PLEKHA7: variants seen among roughly 807,000 people sequenced by gnomAD.
The protein encoded by PLEKHA7 is pleckstrin homology domain-containing family A member 7.
In PLEKHA7, 104 loss-of-function variants were observed where a neutral mutation model predicts 170.0. That is an observed-to-expected ratio of 0.61 (90% CI 0.52 to 0.72). The LOEUF is 0.72. Among genes scored for constraint, PLEKHA7 ranks in the 30% least tolerant of loss-of-function variants. The pLI, the probability that PLEKHA7 is intolerant of heterozygous loss-of-function variation, is 0.00. For synonymous variants in PLEKHA7, 648 were observed against 660.8 expected, an observed-to-expected ratio of 0.98 and a Z score of 0.30; for missense variants, 1,615 against 1,671.7, an observed-to-expected ratio of 0.97 and a Z score of 0.59.
At chr11:16,779,930 C>T (rs1373633011) in intron 26 of PLEKHA7, among the ~76,000 whole-genome samples, 1 of 148,476 alleles carries the variant, frequency 6.7e-6, no homozygotes, top group African/African-American at 2.5e-5. Context: ...ATTCCTTGCG[C>T]ATATCCCTCA....
At chr11:16,890,401 C>A (rs944695780) in intron 3 of PLEKHA7, among the ~76,000 whole-genome samples, 2 of 152,128 alleles carry the variant, frequency 1.3e-5, no homozygotes, top group African/African-American at 4.8e-5. Context: ...ATACAAAAAA[C>A]CCACCTCGCT....
intron 9 of PLEKHA7, among the ~76,000 whole-genome samples, chr11:16,827,007 A>C (rs1342844625): frequency 6.6e-6 from 1 of 152,232 alleles, no homozygotes; most frequent in Non-Finnish European, 1.5e-5. Context: ...GCAAGAGAGA[A>C]TGAATAAATT....
intron 4 of PLEKHA7, among the ~76,000 whole-genome samples, chr11:16,859,897 C>T (rs1345589770): frequency 6.6e-6 from 1 of 152,254 alleles, no homozygotes; most frequent in Non-Finnish European, 1.5e-5. Flanking sequence ...CTGCTGTCCT[C>T]AAATAAAACC....
intron 15 of PLEKHA7, among the ~76,000 whole-genome samples, chr11:16,802,501 C>T (rs1265916881): frequency 1.3e-5 from 2 of 152,060 alleles, no homozygotes; most frequent in African/African-American, 2.4e-5. Context: ...GCAGGAGGGT[C>T]TCTATAAGAT....
At chr11:16,958,209 C>T (rs1436597777) in intron 3 of PLEKHA7, among the ~76,000 whole-genome samples, 3 of 151,686 alleles carry the variant, frequency 2.0e-5, no homozygotes, top group Admixed American at 6.6e-5. Flanking sequence ...CCTACGTACT[C>T]AGGAGGCTAA....
At chr11:16,840,134 G>A (rs1297597566) in intron 9 of PLEKHA7, among the ~76,000 whole-genome samples, 1 of 152,180 alleles carries the variant, frequency 6.6e-6, no homozygotes, top group Non-Finnish European at 1.5e-5. Context: ...CAGGGCCCAT[G>A]GGGAAGCTCC....
At chr11:16,963,329 C>CA (rs1862182538) in intron 3 of PLEKHA7, among the ~76,000 whole-genome samples, 1 of 150,200 alleles carries the variant, frequency 6.7e-6, no homozygotes, top group Non-Finnish European at 1.5e-5. Context: ...TAATTTAGGA[C>CA]TTTTTTTTTT....
At chr11:16,836,308 T>C (rs187066250) in intron 9 of PLEKHA7, among the ~76,000 whole-genome samples, 26 of 152,340 alleles carry the variant, frequency 1.7e-4, no homozygotes, top group African/African-American at 6.0e-4. Flanking sequence ...TGTCTGAGCC[T>C]TGAACCCCAT....
chr11:16,897,688 T>G (rs923394966), intron 3 of PLEKHA7, among the ~76,000 whole-genome samples: 1 of 152,220 alleles, frequency 6.6e-6, no homozygotes, highest in Admixed American at 6.5e-5. Flanking sequence ...CTGAGAGTTT[T>G]CATGAACACC....
At chr11:16,869,582 A>G (rs934659016) in intron 4 of PLEKHA7, among the ~76,000 whole-genome samples, 2 of 152,222 alleles carry the variant, frequency 1.3e-5, no homozygotes, top group African/African-American at 4.8e-5. Flanking sequence ...CTTTAAACGT[A>G]CTGTGGGATA....
Position 16,803,304 on chromosome 11 carries a change from C to T in PLEKHA7, c.2008-9G>A, listed in dbSNP as rs764036971. On this transcript the variant is annotated splice_polypyrimidine_tract_variant and intron_variant, in intron 13 of 26. Transcript: ENST00000531066. ...AGGTCCCGGCCTGTCATCTGGGAGGCGAACAATTTAAAAGAGATTTAACCA... is the reference window on the plus strand; with the variant it reads ...AGGTCCCGGCCTGTCATCTGGGAGGTGAACAATTTAAAAGAGATTTAACCA... 26 of 1,609,908 alleles carry T rather than the reference C, an allele frequency of 1.6e-5. 2 individuals carry two copies. Among genetic ancestry groups the T allele is most frequent in the Admixed American group, 1.5e-4 (9 of 59,982 alleles).
At chr11:16,901,875 T>C (rs1330246321) in intron 3 of PLEKHA7, among the ~76,000 whole-genome samples, 2 of 152,120 alleles carry the variant, frequency 1.3e-5, no homozygotes, top group Non-Finnish European at 2.9e-5. Context: ...TCTCAAAATA[T>C]AATAAAAATA....
chr11:16,855,075 G>A, intron 5 of PLEKHA7, 82 bp from the exon 6 acceptor site: 1 of 1,131,226 alleles, frequency 8.8e-7, no homozygotes, highest in Non-Finnish European at 1.3e-6. Context: ...AGGACCGTCG[G>A]CTCTCTCTGC....
chr11:16,946,723 A>G (rs927570080), intron 3 of PLEKHA7, among the ~76,000 whole-genome samples: 6 of 152,140 alleles, frequency 3.9e-5, no homozygotes, highest in African/African-American at 1.4e-4. Flanking sequence ...CATTACTGAC[A>G]GGCCTCAACT....
chr11:16,843,834 G>C (rs1590308348), intron 8 of PLEKHA7, among the ~76,000 whole-genome samples: 2 of 152,306 alleles, frequency 1.3e-5, no homozygotes, highest in East Asian at 3.9e-4. Context: ...CTACTCGGGA[G>C]GCTGAGGCAT....
intron 3 of PLEKHA7, among the ~76,000 whole-genome samples, chr11:16,958,096 G>T (rs1427211891): frequency 6.6e-6 from 1 of 152,000 alleles, no homozygotes; most frequent in Non-Finnish European, 1.5e-5. Flanking sequence ...TGGGAGGACT[G>T]CTTGAGCCCA....
intron 3 of PLEKHA7, among the ~76,000 whole-genome samples, chr11:16,880,390 A>G (rs1318246937): frequency 1.3e-5 from 2 of 152,206 alleles, no homozygotes; most frequent in Non-Finnish European, 2.9e-5. Context: ...CCGACTCTGC[A>G]TTGTTGTTAT....
At chr11:16,880,335 G>A (rs1033984501) in intron 3 of PLEKHA7, among the ~76,000 whole-genome samples, 2 of 152,210 alleles carry the variant, frequency 1.3e-5, no homozygotes, top group African/African-American at 4.8e-5. Context: ...GACCTTGAGC[G>A]AGTTAGTGGC....
chr11:16,901,769 G>A (rs988138849), intron 3 of PLEKHA7, among the ~76,000 whole-genome samples: 4 of 152,208 alleles, frequency 2.6e-5, no homozygotes, highest in African/African-American at 9.6e-5. Flanking sequence ...TACTCAAGAG[G>A]CTGAGGTGGG....
Sources: gnomAD v4.1 joint callset for allele counts (sites outside exome capture counted in the v4.1 genomes callset) on GRCh38, gnomAD v4.1.1 for gene constraint, MANE v1.5 for transcripts, NCBI Gene and HGNC (gene_info 2026-07-23, HGNC 2026-07-21) for gene names.